NLGN1: variants seen among roughly 807,000 people sequenced by gnomAD.
NLGN1 encodes the protein neuroligin-1.
Under a neutral mutation model 65.5 loss-of-function variants are expected in NLGN1, and 12 were observed. That is an observed-to-expected ratio of 0.18 (90% CI 0.12 to 0.30). The LOEUF is 0.30. Ranked by LOEUF, NLGN1 falls within the 10% of genes least tolerant of loss-of-function variation. The pLI is 1.00. For missense variants in NLGN1, 750 were observed against 1,007.1 expected (o/e 0.74, Z 3.46); for synonymous variants, 350 against 359.5 (o/e 0.97, Z 0.30).
chr3:173,698,456 G>T (rs1416426378), intron 3 of NLGN1, among the ~76,000 whole-genome samples: 1 of 152,048 alleles, frequency 6.6e-6, no homozygotes, highest in Non-Finnish European at 1.5e-5. Flanking sequence ...GCATTTATGC[G>T]CCTTCTACTA....
chr3:173,421,720 G>A (rs545232021), intron 1 of NLGN1, among the ~76,000 whole-genome samples: 34 of 151,752 alleles, frequency 2.2e-4, no homozygotes, highest in African/African-American at 6.0e-4. Context: ...GGGTTTTGGC[G>A]TGTTGCCTCA....
At chr3:174,038,494 A>G (rs1341405838) in intron 4 of NLGN1, among the ~76,000 whole-genome samples, 3 of 152,302 alleles carry the variant, frequency 2.0e-5, no homozygotes, top group East Asian at 3.9e-4. Flanking sequence ...AGTCACTTCT[A>G]TAACTTACCC....
intron 3 of NLGN1, among the ~76,000 whole-genome samples, chr3:173,730,753 C>T (rs1362435022): frequency 6.6e-6 from 1 of 151,864 alleles, no homozygotes; most frequent in Non-Finnish European, 1.5e-5. Flanking sequence ...TCAACTATTC[C>T]AATATAAAAA....
intron 4 of NLGN1, among the ~76,000 whole-genome samples, chr3:174,199,501 A>G (rs114360205): frequency 0.014 from 2,155 of 148,742 alleles, 61 homozygotes; most frequent in African/African-American, 0.051. Flanking sequence ...GTAAGTCTGA[A>G]CAGTGTGGAA....
chr3:173,616,966 G>A (rs553060421), intron 3 of NLGN1, among the ~76,000 whole-genome samples: 206 of 152,130 alleles, frequency 1.4e-3, no homozygotes, highest in Non-Finnish European at 2.1e-3. Context: ...CTTGTCTGCC[G>A]TTTCAATCTC....
intron 4 of NLGN1, among the ~76,000 whole-genome samples, chr3:174,056,607 C>T (rs1298263363): frequency 2.6e-5 from 4 of 152,030 alleles, no homozygotes; most frequent in Admixed American, 2.0e-4. Context: ...TACCAGGATA[C>T]ATAATGGGAT....
chr3:173,757,886 A>C (rs1392290153), intron 3 of NLGN1, among the ~76,000 whole-genome samples: 1 of 152,040 alleles, frequency 6.6e-6, no homozygotes, highest in East Asian at 1.9e-4. Flanking sequence ...GAAGTAATAA[A>C]ATACATGATA....
At chr3:173,902,714 A>T (rs1375024097) in intron 4 of NLGN1, among the ~76,000 whole-genome samples, 1 of 152,076 alleles carries the variant, frequency 6.6e-6, no homozygotes, top group African/African-American at 2.4e-5. Flanking sequence ...GGAATAGTGA[A>T]TTTTGGTTTA....
At position 173,569,410 on chromosome 3, in the gene NLGN1, T is replaced by A. The variant is rs117693235; in HGVS notation, c.-320-34869T>A. Among the ~76,000 whole-genome samples, 1,446 of 152,102 alleles carry A rather than the reference T, an allele frequency of 9.5e-3. 39 individuals carry two copies. In the East Asian group the frequency reaches 0.11, roughly 11 times the overall value. On this transcript the variant is annotated intron_variant, in intron 2 of 6. Transcript: ENST00000457714. ...TACTCAGGGCTTTTATTAATTTTTT[T>A]AAAATTTTAACATTCAAGTTCTATC...
At chr3:173,695,730 C>A (rs572056640) in intron 3 of NLGN1, among the ~76,000 whole-genome samples, 1 of 152,120 alleles carries the variant, frequency 6.6e-6, no homozygotes, top group South Asian at 2.1e-4. Context: ...AACCTTATTA[C>A]GATCACTTCT....
chr3:173,570,983 T>TGAGCCA (rs1320161295), intron 2 of NLGN1, among the ~76,000 whole-genome samples: 1 of 152,212 alleles, frequency 6.6e-6, no homozygotes, highest in African/African-American at 2.4e-5. Context: ...ATTACAGGCC[T>TGAGCCA]GAGCCACCAT....
chr3:174,087,097 A>G (rs1392404510), intron 4 of NLGN1, among the ~76,000 whole-genome samples: 2 of 152,156 alleles, frequency 1.3e-5, no homozygotes, highest in Admixed American at 6.5e-5. Context: ...ATAGAGGGGA[A>G]CAATACACAC....
intron 4 of NLGN1, among the ~76,000 whole-genome samples, chr3:174,217,255 A>T (rs1004775843): frequency 2.0e-5 from 3 of 152,102 alleles, no homozygotes; most frequent in African/African-American, 4.8e-5. Context: ...CTGCATTGTC[A>T]TGCTACATTT....
chr3:173,749,534 A>G (rs1364339786), intron 3 of NLGN1, among the ~76,000 whole-genome samples: 1 of 152,096 alleles, frequency 6.6e-6, no homozygotes, highest in African/African-American at 2.4e-5. Flanking sequence ...ATGCCAATCA[A>G]TCAAACCGTA....
rs367562435 is a variant in NLGN1 at position 174,014,190 on chromosome 3, T to C, written c.646+206358T>C. Among the ~76,000 whole-genome samples, 42 of 152,210 alleles carry C rather than the reference T, an allele frequency of 2.8e-4. No homozygotes were observed. In the East Asian group the frequency reaches 8.1e-3, roughly 29 times the overall value. On this transcript the variant is annotated intron_variant, in intron 4 of 6. Transcript: ENST00000457714. The stretch of plus-strand genomic sequence containing the variant: ...CCCAAGCCCCAAGCCCCGTGAAACA[T>C]ATAAAAAGAAAAAATAGTCAAATCA...
intron 3 of NLGN1, among the ~76,000 whole-genome samples, chr3:173,801,640 T>C (rs1033468291): frequency 2.0e-5 from 3 of 152,082 alleles, no homozygotes; most frequent in African/African-American, 7.2e-5. Context: ...GTTAATATTT[T>C]TGAAACACTT....
At chr3:173,738,315 C>G (rs976672349) in intron 3 of NLGN1, among the ~76,000 whole-genome samples, 1 of 151,708 alleles carries the variant, frequency 6.6e-6, no homozygotes, top group African/African-American at 2.4e-5. Context: ...TTTAAAAATG[C>G]GTTGTCTAGA....
chr3:174,275,830 A>G (rs577637014), intron 5 of NLGN1, among the ~76,000 whole-genome samples: 1 of 152,034 alleles, frequency 6.6e-6, no homozygotes, highest in East Asian at 1.9e-4. Flanking sequence ...GACGTTCTAC[A>G]GTTTTGTCAT....
rs1456835401 is a variant in NLGN1 at position 173,497,388 on chromosome 3, C to CAAAA, written c.-321+62311_-321+62314dup. 6.3e-4 allele frequency among the ~76,000 whole-genome samples: 88 copies of CAAAA among 140,124 alleles called. 1 individual carries two copies. The highest frequency in any genetic ancestry group is 3.4e-3 in the Admixed American group (47 of 13,784). 91.9% of individuals were successfully genotyped at this position (140,124 alleles called of 152,430 possible). A position where few individuals can be genotyped will look rare whatever the true frequency, so the allele number is the denominator to read the frequency against. ...GGGCGACAAGTGTGAAACTCCATCT[C>CAAAA]AAAATAAATAAATAAATAAATAAAT... On this transcript the variant is annotated intron_variant, in intron 2 of 6. Transcript: ENST00000457714.
Sources: gnomAD v4.1 joint callset for allele counts (sites outside exome capture counted in the v4.1 genomes callset) on GRCh38, gnomAD v4.1.1 for gene constraint, MANE v1.5 for transcripts, NCBI Gene and HGNC (gene_info 2026-07-23, HGNC 2026-07-21) for gene names.